The following PTPRM variants were observed in gnomAD, a reference collection of about 807,000 sequenced individuals.
The protein encoded by PTPRM is protein tyrosine phosphatase receptor type M, also known as receptor-type tyrosine-protein phosphatase mu.
PTPRM carries 47 observed loss-of-function variants against 186.7 expected under a neutral mutation model. That is an observed-to-expected ratio of 0.25 (90% CI 0.20 to 0.32). The LOEUF is 0.32. PTPRM is among the 10% of genes least tolerant of loss of function. The pLI is 1.00. For missense variants in PTPRM, 1,494 were observed against 1,865.0 expected, an observed-to-expected ratio of 0.80 and a Z score of 3.66; for synonymous variants, 668 against 674.9, an observed-to-expected ratio of 0.99 and a Z score of 0.16.
At chr18:7,900,523 C>G (rs2049609048) in intron 3 of PTPRM, among the ~76,000 whole-genome samples, 1 of 151,974 alleles carries the variant, frequency 6.6e-6, no homozygotes, top group Admixed American at 6.6e-5. Context: ...ATTTTAGAAC[C>G]TGTGTATCTA....
At chr18:7,585,723 A>G (rs1365305375) in intron 1 of PTPRM, among the ~76,000 whole-genome samples, 3 of 152,112 alleles carry the variant, frequency 2.0e-5, no homozygotes, top group Non-Finnish European at 4.4e-5. Flanking sequence ...CCACTTAACC[A>G]TGGCCACTCC....
chr18:8,285,546 G>A (rs1392727383), intron 19 of PTPRM, among the ~76,000 whole-genome samples: 2 of 152,234 alleles, frequency 1.3e-5, no homozygotes, highest in African/African-American at 2.4e-5. Context: ...ATTCGCCAGG[G>A]AACCTTGGTT....
At chr18:8,132,192 A>G (rs921713081) in intron 13 of PTPRM, among the ~76,000 whole-genome samples, 2 of 152,168 alleles carry the variant, frequency 1.3e-5, no homozygotes, top group African/African-American at 2.4e-5. Flanking sequence ...TCAGGATTTT[A>G]TGTAATACCT....
At chr18:8,133,593 A>T (rs1379334313) in intron 13 of PTPRM, among the ~76,000 whole-genome samples, 1 of 152,152 alleles carries the variant, frequency 6.6e-6, no homozygotes, top group Non-Finnish European at 1.5e-5. Flanking sequence ...GCCTTTGAAG[A>T]TGGATAGGAT....
intron 22 of PTPRM, among the ~76,000 whole-genome samples, chr18:8,341,343 T>C (rs559404071): frequency 1.3e-5 from 2 of 152,202 alleles, no homozygotes; most frequent in Non-Finnish European, 2.9e-5. Flanking sequence ...ACTGGGTTCC[T>C]GCTATGTGCC....
At chr18:7,824,043 T>C (rs1283369395) in intron 2 of PTPRM, among the ~76,000 whole-genome samples, 3 of 152,254 alleles carry the variant, frequency 2.0e-5, no homozygotes, top group Middle Eastern at 3.4e-3. Flanking sequence ...AGTGCCCCCT[T>C]GTCCTTCCCT....
chr18:7,883,835 A>G (rs1255501902), intron 2 of PTPRM, among the ~76,000 whole-genome samples: 10 of 152,214 alleles, frequency 6.6e-5, no homozygotes, highest in Non-Finnish European at 2.9e-5. Context: ...ACAGGGGGAA[A>G]TAGAGATAAA....
chr18:8,084,770 C>G (rs1451669803), intron 9 of PTPRM, among the ~76,000 whole-genome samples: 1 of 152,152 alleles, frequency 6.6e-6, no homozygotes, highest in Non-Finnish European at 1.5e-5. Context: ...AGTTAGTAAT[C>G]ACCACTAAAG....
intron 1 of PTPRM, among the ~76,000 whole-genome samples, chr18:7,586,595 A>G (rs2036985881): frequency 6.6e-6 from 1 of 152,156 alleles, no homozygotes; most frequent in African/African-American, 2.4e-5. Context: ...CTCAGTTCCA[A>G]GGTCTGTGGG....
At chr18:7,926,064 T>C (rs1222863747) in intron 4 of PTPRM, among the ~76,000 whole-genome samples, 2 of 152,222 alleles carry the variant, frequency 1.3e-5, no homozygotes, top group Non-Finnish European at 2.9e-5. Flanking sequence ...AGCTGAAAAA[T>C]ATTACATAAG....
intron 1 of PTPRM, among the ~76,000 whole-genome samples, chr18:7,759,565 C>G (rs1053699772): frequency 2.0e-5 from 3 of 152,132 alleles, no homozygotes; most frequent in Admixed American, 6.5e-5. Flanking sequence ...ATACTGTCTT[C>G]TTTTTTTAAA....
At chr18:7,597,490 A>T (rs1022883107) in intron 1 of PTPRM, among the ~76,000 whole-genome samples, 3 of 152,132 alleles carry the variant, frequency 2.0e-5, no homozygotes, top group African/African-American at 7.2e-5. Flanking sequence ...TGGGAATTTA[A>T]TTATGTATTT....
chr18:7,875,097 G>A (rs1420926063), intron 2 of PTPRM, among the ~76,000 whole-genome samples: 1 of 152,074 alleles, frequency 6.6e-6, no homozygotes, highest in South Asian at 2.1e-4. Flanking sequence ...TGGAGAGGCT[G>A]AAGCAGGAGA....
intron 13 of PTPRM, among the ~76,000 whole-genome samples, chr18:8,128,765 C>T (rs540453400): frequency 7.1e-4 from 108 of 152,142 alleles, no homozygotes; most frequent in African/African-American, 2.4e-3. Flanking sequence ...TTTAAAATCT[C>T]TATATTGCAC....
At chr18:7,938,896 A>G (rs1380171196) in intron 5 of PTPRM, among the ~76,000 whole-genome samples, 2 of 152,206 alleles carry the variant, frequency 1.3e-5, no homozygotes, top group Non-Finnish European at 2.9e-5. Context: ...TATTGCTAGC[A>G]TATGATGATA....
chr18:7,663,129 C>T (rs1027060456), intron 1 of PTPRM, among the ~76,000 whole-genome samples: 1 of 152,172 alleles, frequency 6.6e-6, no homozygotes, highest in Non-Finnish European at 1.5e-5. Context: ...GCAAGTCCTG[C>T]TTGCACAGTC....
At chr18:8,089,695 A>G (rs1020695256) in intron 11 of PTPRM, among the ~76,000 whole-genome samples, 1 of 152,130 alleles carries the variant, frequency 6.6e-6, no homozygotes, top group Non-Finnish European at 1.5e-5. Context: ...GTTTATTTTC[A>G]TGTTTCTTTT....
At chr18:8,254,528 A>C (rs1192382702) in intron 19 of PTPRM, among the ~76,000 whole-genome samples, 1 of 152,208 alleles carries the variant, frequency 6.6e-6, no homozygotes, top group East Asian at 1.9e-4. Context: ...TGGTTTTTTT[A>C]AACCTTAGAA....
intron 1 of PTPRM, among the ~76,000 whole-genome samples, chr18:7,670,668 A>G (rs2039198674): frequency 6.6e-6 from 1 of 152,232 alleles, no homozygotes; most frequent in Non-Finnish European, 1.5e-5. Context: ...GGTCTGGTGT[A>G]AGAATTCATA....
Sources: allele counts gnomAD v4.1 joint callset (sites outside exome capture counted in the v4.1 genomes callset), GRCh38; gene constraint gnomAD v4.1.1; transcripts MANE v1.5; gene names NCBI Gene and HGNC (gene_info 2026-07-23, HGNC 2026-07-21).